Variants in TEAD3 observed in about 807,000 individuals in gnomAD.
TEAD3 encodes the protein TEA domain transcription factor 3, also known as transcriptional enhancer factor TEF-5.
TEAD3 carries 15 observed loss-of-function variants against 55.6 expected under a neutral mutation model. The observed-to-expected ratio is 0.27, with a 90% CI of 0.18 to 0.42. The LOEUF (loss-of-function observed/expected upper bound fraction) is 0.42, where lower values mean the gene tolerates loss of function less well. TEAD3 is among the 10% of genes least tolerant of loss of function. The probability of loss-of-function intolerance (pLI) is 1.00; values close to 1 mark genes in which losing one functional copy is unlikely to be tolerated. For synonymous variants in TEAD3, 210 were observed against 232.2 expected (o/e 0.90, Z 0.87); for missense variants, 407 against 576.8 (o/e 0.71, Z 3.01).
chr6:35,482,415 G>A (rs1768283465), intron 3 of TEAD3, among the ~76,000 whole-genome samples: 1 of 152,178 alleles, frequency 6.6e-6, no homozygotes, highest in South Asian at 2.1e-4. Context: ...TAAAGACAGG[G>A]GGAGTTTCAT....
chr6:35,478,649 C>T, intron 5 of TEAD3, 78 bp from the exon 6 acceptor site: 6 of 1,498,786 alleles, frequency 4.0e-6, no homozygotes, highest in Admixed American at 2.2e-5. Flanking sequence ...CCCATGACCC[C>T]AGCAGAGTCC....
In TEAD3 at chr6:35,495,127, G is replaced by A. The variant is rs146398713; in HGVS notation, c.-50+1771C>T. On this transcript the variant is annotated intron_variant, in intron 1 of 12. Transcript: ENST00000639578. ...GCCCAAAGGGGCCTGCCAAGATGGC[G>A]CAACTGGTTAAAGGTCCGGAGGGGA... Among the ~76,000 whole-genome samples the A allele has an allele frequency of 1.1e-4, 17 of 152,340 alleles. No individual in the cohort carries two copies. The South Asian group carries it at 2.3e-3, about 20-fold the overall frequency.
At position 35,495,577 on chromosome 6, in the gene TEAD3, G is replaced by A. The variant is rs151098375; in HGVS notation, c.-50+1321C>T. 2.3e-3 allele frequency among the ~76,000 whole-genome samples: 351 copies of A among 152,226 alleles called. 7 individuals are homozygous for A. In the East Asian group the frequency reaches 0.055, roughly 24 times the overall value. On this transcript the variant is annotated intron_variant, in intron 1 of 12. Transcript: ENST00000639578. ...TGCCCACTGGGTGAGCAGGGACCCA[G>A]AAGACCACAGAACCACATCCTTTAG...
intron 6 of TEAD3, 27 bp from the exon 7 acceptor site, chr6:35,478,351 G>GC: frequency 6.2e-6 from 10 of 1,613,710 alleles, no homozygotes; most frequent in Non-Finnish European, 8.5e-6. Flanking sequence ...AGGCCCAGGG[G>GC]CCCCTCAGCA....
In TEAD3 at chr6:35,478,569, G is replaced by A. The variant is rs1452567974; in HGVS notation, c.345C>T (p.Asp115=). 23 of 1,586,358 alleles carry A rather than the reference G, an allele frequency of 1.4e-5. No homozygotes were observed. The East Asian group carries it at 5.3e-4, about 37-fold the overall frequency. The change falls in exon 6 of 13, where the codon GAC becomes GAT. Residue 115 remains aspartate, a splice_region_variant and synonymous_variant. Transcript: ENST00000639578. ...GAAGGGCTTTGTCCTTGGAGACCTG[G>A]TCCTGGGGAGAGGAGGCTGCATGAA...
intron 1 of TEAD3, among the ~76,000 whole-genome samples, chr6:35,489,607 G>C (rs983163546): frequency 6.6e-6 from 1 of 152,158 alleles, no homozygotes; most frequent in African/African-American, 2.4e-5. Context: ...CTGTGCCCCT[G>C]ACCTGTCAGA....
At position 35,484,600 on chromosome 6, in the gene TEAD3, T is replaced by C; in HGVS notation, c.227A>G (p.Tyr76Cys). 6.2e-7 allele frequency: 1 copy of C among 1,604,278 alleles called. No individual in the cohort carries two copies. The highest frequency in any genetic ancestry group is 8.5e-7 in the Non-Finnish European group (1 of 1,175,482). ...AGTCTTCCCCGTCCTCAGTTTAATA[T>C]AGCGTGCAATCAACTCATTTCGGCC... The change falls in exon 3 of 13, where the codon TAT (tyrosine) becomes TGT (cysteine). Residue 76 changes from tyrosine to cysteine, a missense_variant. Tyr to Cys is a radical substitution (Grantham distance 194). Transcript: ENST00000639578. This position sits in a 1 kb window ranked among gnomAD's most constrained non-coding sequence, Gnocchi z 5.8.
intron 7 of TEAD3, among the ~76,000 whole-genome samples, chr6:35,477,587 G>A (rs1004658571): frequency 3.3e-5 from 5 of 151,922 alleles, no homozygotes; most frequent in African/African-American, 4.8e-5. Flanking sequence ...TGCCCATTTA[G>A]TGTAGGATTT....
exon 1 of TEAD3, chr6:35,497,036 G>A: frequency 6.6e-6 from 1 of 151,488 alleles, no homozygotes; most frequent in Non-Finnish European, 1.5e-5. Flanking sequence ...AGCGGGAGGC[G>A]CCGAGCGCGG....
At chr6:35,489,193 A>AT (rs1377771839) in intron 1 of TEAD3, among the ~76,000 whole-genome samples, 1 of 152,198 alleles carries the variant, frequency 6.6e-6, no homozygotes, top group Non-Finnish European at 1.5e-5. Flanking sequence ...CTGTTCTGGG[A>AT]TTTCACACAC....
chr6:35,482,349 C>T (rs540408346), intron 3 of TEAD3, among the ~76,000 whole-genome samples: 2 of 152,268 alleles, frequency 1.3e-5, no homozygotes, highest in East Asian at 1.9e-4. Context: ...GTCCTCACAA[C>T]CAGAGGACAG....
chr6:35,486,461 C>T lies in TEAD3; in HGVS notation c.202G>A (p.Gly68Ser). ...CCCGCCCGCGCCCCCCGGCACGCAC[C>T]GTACATCTTGCCCTCGTCTGACAGG... is the stretch of plus-strand genomic sequence containing the variant. The change falls in exon 2 of 13, where the codon GGC becomes AGC. Residue 68 changes from glycine to serine, a missense_variant and splice_region_variant. Gly to Ser is a moderately conservative substitution (Grantham distance 56). Transcript: ENST00000639578. This position sits in a 1 kb window ranked among gnomAD's most constrained non-coding sequence, Gnocchi z 7.3. 1 of 1,612,108 alleles carries T rather than the reference C, an allele frequency of 6.2e-7. No homozygotes were observed. The highest frequency in any genetic ancestry group is 1.7e-5 in the Admixed American group (1 of 59,964).
intron 1 of TEAD3, among the ~76,000 whole-genome samples, chr6:35,495,392 C>T (rs144486807): frequency 8.4e-4 from 128 of 152,286 alleles, no homozygotes; most frequent in African/African-American, 3.0e-3. Flanking sequence ...AGCCCAGATG[C>T]GCTCATTAGC....
At chr6:35,493,784 C>G (rs1768584381) in intron 1 of TEAD3, among the ~76,000 whole-genome samples, 1 of 152,260 alleles carries the variant, frequency 6.6e-6, no homozygotes, top group Non-Finnish European at 1.5e-5. Context: ...CCCGCGCGCT[C>G]ACATACACAC....
At chr6:35,492,868 C>T (rs1417610880) in intron 1 of TEAD3, among the ~76,000 whole-genome samples, 2 of 152,148 alleles carry the variant, frequency 1.3e-5, no homozygotes, top group Non-Finnish European at 1.5e-5. Context: ...TCCCTTCACC[C>T]CCTCCCTGGG....
chr6:35,490,431 G>C (rs1209684048), intron 1 of TEAD3, among the ~76,000 whole-genome samples: 1 of 152,218 alleles, frequency 6.6e-6, no homozygotes, highest in Non-Finnish European at 1.5e-5. Flanking sequence ...ACGCATGCGA[G>C]ACTCACTTTC....
chr6:35,477,329 G>A (rs1365006872), exon 8 of TEAD3: 2 of 1,606,796 alleles, frequency 1.2e-6, no homozygotes, highest in South Asian at 2.2e-5. Flanking sequence ...GTCGGCGGCA[G>A]GGGCGGCTGG....
chr6:35,494,629 G>C (rs1408963925), intron 1 of TEAD3, among the ~76,000 whole-genome samples: 2 of 152,164 alleles, frequency 1.3e-5, no homozygotes, highest in East Asian at 3.9e-4. Flanking sequence ...TTCACAGAAA[G>C]CTGCAGCGTT....
Position 35,486,679 on chromosome 6 carries a change from G to A in TEAD3, c.-17C>T, listed in dbSNP as rs775213750. On this transcript the variant is annotated 5_prime_UTR_variant, in exon 2 of 13. Transcript: ENST00000639578. The surrounding 1 kb of genome is among the most constrained non-coding windows in gnomAD (Gnocchi z 7.3). ...GGACGCTATTGTGCTGGTTGCTCTG[G>A]GCTCTGGGCCTGAGCCCACTGGGCG... 1.9e-6 allele frequency: 3 copies of A among 1,609,734 alleles called. No individual in the cohort carries two copies. The South Asian group carries it at 3.3e-5, about 18-fold the overall frequency.
Sources: gnomAD v4.1 joint callset for allele counts (sites outside exome capture counted in the v4.1 genomes callset) on GRCh38, gnomAD v4.1.1 for gene constraint, Gnocchi (gnomAD v3.1) non-coding constraint, MANE v1.5 for transcripts, NCBI Gene and HGNC (gene_info 2026-07-23, HGNC 2026-07-21) for gene names.